The following STK39 variants were observed in gnomAD, a reference collection of about 807,000 sequenced individuals.
STK39 encodes serine/threonine kinase 39.
A neutral mutation model predicts 77.8 loss-of-function variants in STK39; 20 were observed. That is an observed-to-expected ratio of 0.26 (90% CI 0.18 to 0.37). STK39 has a LOEUF of 0.37. Among genes scored for constraint, STK39 ranks in the 10% least tolerant of loss-of-function variants. STK39 has a pLI of 1.00. For synonymous variants in STK39, 246 were observed against 234.1 expected, an observed-to-expected ratio of 1.05 and a Z score of -0.47; for missense variants, 479 against 656.5, an observed-to-expected ratio of 0.73 and a Z score of 2.95.
chr2:168,170,574 A>T (rs1260875983), intron 2 of STK39, among the ~76,000 whole-genome samples: 1 of 152,218 alleles, frequency 6.6e-6, no homozygotes, highest in Non-Finnish European at 1.5e-5. Context: ...GAGAATCTGC[A>T]TTTCTAGCAG....
chr2:168,037,683 G>C (rs1037719157), intron 14 of STK39, among the ~76,000 whole-genome samples: 2 of 152,106 alleles, frequency 1.3e-5, no homozygotes, highest in Non-Finnish European at 2.9e-5. Flanking sequence ...AGTGTAAACA[G>C]CATGGCACAA....
intron 14 of STK39, among the ~76,000 whole-genome samples, chr2:168,061,946 T>C (rs956947036): frequency 1.3e-5 from 2 of 152,144 alleles, no homozygotes; most frequent in Non-Finnish European, 2.9e-5. Flanking sequence ...TTACAGCCCA[T>C]AGGAGCCCAG....
chr2:168,145,426 T>G (rs1688110720), intron 5 of STK39, among the ~76,000 whole-genome samples: 1 of 151,968 alleles, frequency 6.6e-6, no homozygotes, highest in Non-Finnish European at 1.5e-5. Flanking sequence ...CCCACCAAGG[T>G]CCAAGGCAGG....
Position 168,013,367 on chromosome 2 carries a change from C to A in STK39, c.1430-665G>T, listed in dbSNP as rs139031113. On this transcript the variant is annotated intron_variant, in intron 15 of 17. Coordinates refer to ENST00000355999, the MANE Select transcript of STK39 (RefSeq NM_013233.3). ...AAGAGGCTGCGGCAAGTGAATACAG[C>A]TGGAATTACTTAATTGAAAGGTTAC... is the stretch of plus-strand genomic sequence containing the variant. Among the ~76,000 whole-genome samples the A allele has an allele frequency of 1.5e-3, 229 of 152,294 alleles. 1 individual carries two copies. The highest frequency in any genetic ancestry group is 2.4e-3 in the Non-Finnish European group (163 of 68,016).
intron 15 of STK39, among the ~76,000 whole-genome samples, chr2:168,015,816 A>G (rs1184734137): frequency 6.6e-6 from 1 of 152,224 alleles, no homozygotes; most frequent in Non-Finnish European, 1.5e-5. Flanking sequence ...GACAAAATAG[A>G]TAGCTTTTTG....
intron 10 of STK39, among the ~76,000 whole-genome samples, chr2:168,093,953 C>T (rs1686594015): frequency 6.6e-6 from 1 of 152,216 alleles, no homozygotes; most frequent in Non-Finnish European, 1.5e-5. Context: ...AATTACTCTC[C>T]AACACATTTG....
At position 167,970,355 on chromosome 2, in the gene STK39, C is replaced by T. The variant is rs532263133; in HGVS notation, c.1499-5629G>A. 2.0e-5 allele frequency among the ~76,000 whole-genome samples: 3 copies of T among 152,304 alleles called. No individual in the cohort carries two copies. In the East Asian group the frequency reaches 5.8e-4, roughly 29 times the overall value. On this transcript the variant is annotated intron_variant, in intron 16 of 17. Coordinates refer to ENST00000355999, the MANE Select transcript of STK39 (RefSeq NM_013233.3). Reference sequence around the variant, plus strand: ...GTGCCTGACATAGACGGATATCAATCTGTGTTGAATACATGAATATATGGA... The same window carrying T: ...GTGCCTGACATAGACGGATATCAATTTGTGTTGAATACATGAATATATGGA...
chr2:168,073,573 C>T (rs999063798), intron 12 of STK39, among the ~76,000 whole-genome samples: 9 of 152,078 alleles, frequency 5.9e-5, no homozygotes, highest in African/African-American at 1.4e-4. Context: ...ATGTGTTCCA[C>T]GTGGGGCTCA....
At chr2:168,213,141 G>C (rs1689934784) in intron 1 of STK39, among the ~76,000 whole-genome samples, 1 of 152,212 alleles carries the variant, frequency 6.6e-6, no homozygotes, top group Admixed American at 6.5e-5. Context: ...GGAAACCCAT[G>C]GTGACAGCAA....
intron 8 of STK39, among the ~76,000 whole-genome samples, chr2:168,137,568 T>C (rs1255596062): frequency 1.3e-5 from 2 of 152,280 alleles, no homozygotes; most frequent in Non-Finnish European, 2.9e-5. Context: ...TCTGTTTACA[T>C]GATTAATCTT....
At chr2:167,987,101 CT>C (rs1683580331) in intron 16 of STK39, among the ~76,000 whole-genome samples, 1 of 152,144 alleles carries the variant, frequency 6.6e-6, no homozygotes, top group African/African-American at 2.4e-5. Flanking sequence ...TGGCTTTTCC[CT>C]CCCATTGGAA....
At chr2:168,093,548 C>A (rs1686582803) in intron 10 of STK39, among the ~76,000 whole-genome samples, 1 of 152,186 alleles carries the variant, frequency 6.6e-6, no homozygotes, top group South Asian at 2.1e-4. Flanking sequence ...ATGGGAGCTA[C>A]AATTCAAGAT....
intron 17 of STK39, among the ~76,000 whole-genome samples, chr2:167,959,682 G>A (rs1028251315): frequency 6.6e-6 from 1 of 152,182 alleles, no homozygotes; most frequent in African/African-American, 2.4e-5. Flanking sequence ...CTCAAAAGAT[G>A]TGTCCTGTAG....
At chr2:168,222,245 C>T (rs1574569240) in intron 1 of STK39, among the ~76,000 whole-genome samples, 1 of 152,190 alleles carries the variant, frequency 6.6e-6, no homozygotes, top group East Asian at 1.9e-4. Context: ...TTCCTCTGTG[C>T]TCTTTTCAGC....
intron 16 of STK39, among the ~76,000 whole-genome samples, chr2:168,003,930 T>C (rs1294663169): frequency 1.3e-5 from 2 of 152,248 alleles, no homozygotes; most frequent in East Asian, 3.8e-4. Context: ...AGATGAAATA[T>C]GTTCACTGTT....
chr2:168,079,430 G>A (rs1004930605), intron 10 of STK39, among the ~76,000 whole-genome samples: 2 of 152,162 alleles, frequency 1.3e-5, no homozygotes, highest in Non-Finnish European at 2.9e-5. Context: ...TGAAAAGCAA[G>A]CCCTGGGATC....
At chr2:168,170,935 A>T (rs1290151450) in intron 2 of STK39, among the ~76,000 whole-genome samples, 1 of 152,192 alleles carries the variant, frequency 6.6e-6, no homozygotes, top group Non-Finnish European at 1.5e-5. Flanking sequence ...AACAAACAAA[A>T]ATCCCACGAG....
intron 1 of STK39, among the ~76,000 whole-genome samples, chr2:168,245,043 A>G (rs916553989): frequency 1.3e-5 from 2 of 152,238 alleles, no homozygotes; most frequent in Admixed American, 6.5e-5. Flanking sequence ...TAATTGACCA[A>G]GTAGGTATAT....
intron 10 of STK39, among the ~76,000 whole-genome samples, chr2:168,102,297 C>A (rs570235370): frequency 6.6e-6 from 1 of 152,326 alleles, no homozygotes; most frequent in South Asian, 2.1e-4. Context: ...AGTTCTTCCA[C>A]ATCCTCAGCA....
Sources: gnomAD v4.1 joint callset for allele counts (sites outside exome capture counted in the v4.1 genomes callset) on GRCh38, gnomAD v4.1.1 for gene constraint, MANE v1.5 for transcripts, NCBI Gene and HGNC (gene_info 2026-07-23, HGNC 2026-07-21) for gene names.